The following EXOSC7 variants were observed in gnomAD, a reference collection of about 807,000 sequenced individuals.
The protein encoded by EXOSC7 is exosome complex component RRP42.
Under a neutral mutation model 34.3 loss-of-function variants are expected in EXOSC7, and 25 were observed. The ratio of observed to expected loss-of-function variants is 0.73; its 90% CI spans 0.53 to 1.02. The LOEUF (loss-of-function observed/expected upper bound fraction) is 1.02, where lower values mean the gene tolerates loss of function less well. Among genes scored for constraint, EXOSC7 ranks in the 50% least tolerant of loss-of-function variants. The pLI is 0.00. For missense variants in EXOSC7, 370 were observed against 368.5 expected (o/e 1.00, Z -0.03); for synonymous variants, 130 against 143.0 (o/e 0.91, Z 0.65).
chr3:44,992,482 A>G (rs142971098), intron 3 of EXOSC7, among the ~76,000 whole-genome samples: 2 of 152,298 alleles, frequency 1.3e-5, no homozygotes, highest in Non-Finnish European at 2.9e-5. Flanking sequence ...CGCCACCTCC[A>G]TAATTTACCC....
intron 1 of EXOSC7, among the ~76,000 whole-genome samples, chr3:44,981,449 G>GA (rs1420661955): frequency 4.6e-5 from 7 of 152,130 alleles, no homozygotes; most frequent in Non-Finnish European, 1.0e-4. Context: ...GGTTAACACA[G>GA]AAAAAATGCT....
chr3:45,007,842 A>G (rs561464723), intron 7 of EXOSC7, among the ~76,000 whole-genome samples: 1 of 152,320 alleles, frequency 6.6e-6, no homozygotes, highest in South Asian at 2.1e-4. Context: ...CTATGTGTCT[A>G]AATAAGACTG....
chr3:45,012,023 T>C (rs892280338), downstream of EXOSC7, among the ~76,000 whole-genome samples: 7 of 152,264 alleles, frequency 4.6e-5, no homozygotes, highest in African/African-American at 1.7e-4. Context: ...TTTCAAGATG[T>C]TGTCATTTGA....
intron 7 of EXOSC7, among the ~76,000 whole-genome samples, chr3:45,008,633 G>A (rs1576029937): frequency 6.6e-6 from 1 of 152,320 alleles, no homozygotes; most frequent in Non-Finnish European, 1.5e-5. Context: ...GTGAGGTGTA[G>A]AGGAGAAGCA....
intron 1 of EXOSC7, among the ~76,000 whole-genome samples, chr3:44,986,070 C>T (rs1350133478): frequency 2.0e-5 from 3 of 152,224 alleles, no homozygotes; most frequent in East Asian, 3.9e-4. Flanking sequence ...GGATCCTGCA[C>T]TGGGGCCGCA....
chr3:45,001,543 G>A lies in EXOSC7; in HGVS notation c.426G>A (p.Leu142=). 6.2e-7 allele frequency: 1 copy of A among 1,612,502 alleles called. No individual in the cohort carries two copies. The highest frequency in any genetic ancestry group is 1.1e-5 in the South Asian group (1 of 91,046). ...TCAATTCCTGTCTCCCTTAGCTTCTGGAATGTGGTGGAAATTTGTTTGATG... is the reference window on the plus strand; with the variant it reads ...TCAATTCCTGTCTCCCTTAGCTTCTAGAATGTGGTGGAAATTTGTTTGATG... ...CWVLYVDVLL[L]ECGGNLFDAI... Residue 142 remains leucine (L), a synonymous_variant, in exon 5 of 8, where the codon CTG becomes CTA. Coordinates refer to ENST00000265564, the MANE Select transcript of EXOSC7 (RefSeq NM_015004.4).
intron 1 of EXOSC7, among the ~76,000 whole-genome samples, chr3:44,981,091 T>TA (rs1476636146): frequency 6.6e-6 from 1 of 152,222 alleles, no homozygotes; most frequent in Non-Finnish European, 1.5e-5. Context: ...TCTGAGGCTT[T>TA]ACCCCAACAT....
downstream of EXOSC7, among the ~76,000 whole-genome samples, chr3:45,011,892 G>A (rs1697296445): frequency 6.6e-6 from 1 of 152,178 alleles, no homozygotes; most frequent in Non-Finnish European, 1.5e-5. Context: ...GGGCTTTAGT[G>A]GCAGCCACTT....
intron 5 of EXOSC7, among the ~76,000 whole-genome samples, chr3:45,003,225 A>G (rs1489756235): frequency 6.6e-6 from 1 of 152,300 alleles, no homozygotes; most frequent in African/African-American, 2.4e-5. Context: ...GACTATTGGC[A>G]TATTCAGGGT....
intron 5 of EXOSC7, chr3:45,002,350 C>T (rs1369557177): frequency 6.6e-6 from 1 of 151,940 alleles, no homozygotes; most frequent in African/African-American, 2.4e-5. Flanking sequence ...AGGGATATAA[C>T]CTAAGGACAT....
chr3:45,007,665 C>T (rs1183725992), intron 7 of EXOSC7, 90 bp downstream of exon 7: 19 of 1,354,368 alleles, frequency 1.4e-5, no homozygotes, highest in Non-Finnish European at 1.9e-5. Context: ...GGATTCTCCC[C>T]ATTCACAGCC....
At chr3:44,999,015 G>A (rs4683018) in intron 4 of EXOSC7, among the ~76,000 whole-genome samples, 70,428 of 152,088 alleles carry the variant, frequency 0.46, 16,976 homozygotes, top group East Asian at 0.84. Flanking sequence ...CAAGTGTGTG[G>A]CACACTGCAT....
chr3:44,998,031 G>GTTTTTTTTTTTTTTTT (rs200353427), intron 4 of EXOSC7, among the ~76,000 whole-genome samples: 1 of 142,778 alleles, frequency 7.0e-6, no homozygotes. Flanking sequence ...ATTTTTTTTT[G>GTTTTTTTTTTTTTTTT]TTTTTTTGTT....
In EXOSC7 at chr3:44,976,281, G is replaced by T. The variant is rs537019300; in HGVS notation, c.4G>T (p.Ala2Ser). ...GCTCGTGGGGCAGCTCGGCAGCATG[G>T]CGTCCGTGACGCTGAGCGAGGCGGA... Reference protein sequence around the residue: MASVTLSEAEKV... With the variant: MSSVTLSEAEKV... The change falls in exon 1 of 8, where the codon GCG becomes TCG. Residue 2 changes from alanine (A) to serine (S), a missense_variant. By Grantham distance (99) the Ala-to-Ser change is moderately conservative (BLOSUM62 1). This residue lies in a region of EXOSC7 where 95 missense variants were observed against 79.8 expected (regional missense o/e 1.19). Coordinates refer to ENST00000265564, the MANE Select transcript of EXOSC7 (RefSeq NM_015004.4). 7 of 1,561,660 alleles carry T rather than the reference G, an allele frequency of 4.5e-6. No individual in the cohort carries two copies. In the East Asian group the frequency reaches 1.3e-4, roughly 29 times the overall value.
At chr3:44,981,313 A>G (rs980624779) in intron 1 of EXOSC7, among the ~76,000 whole-genome samples, 1 of 152,114 alleles carries the variant, frequency 6.6e-6, no homozygotes, top group African/African-American at 2.4e-5. Context: ...TTCACCATTT[A>G]CAATAAGTGG....
At chr3:45,007,822 C>G (rs2280384) in intron 7 of EXOSC7, among the ~76,000 whole-genome samples, 70,335 of 151,896 alleles carry the variant, frequency 0.46, 16,965 homozygotes, top group East Asian at 0.84. Flanking sequence ...AAGTACCCCC[C>G]ATCTCATTTC....
At chr3:44,992,847 TAGAG>T (rs201397151) in intron 3 of EXOSC7, among the ~76,000 whole-genome samples, 3,363 of 152,306 alleles carry the variant, frequency 0.022, 77 homozygotes, top group Middle Eastern at 0.075. Flanking sequence ...TTTAACCTCT[TAGAG>T]AGGCTTGGGT....
intron 1 of EXOSC7, among the ~76,000 whole-genome samples, chr3:44,976,709 G>A (rs1260688397): frequency 1.3e-5 from 2 of 152,186 alleles, no homozygotes; most frequent in Non-Finnish European, 2.9e-5. Context: ...TGGGCTTCTG[G>A]CCTGCTTTTC....
intron 6 of EXOSC7, 25 bp from the exon 7 acceptor site, chr3:45,007,395 T>C (rs1263307716): frequency 1.2e-6 from 2 of 1,613,136 alleles, no homozygotes; most frequent in East Asian, 4.5e-5. Context: ...TGACCCACCG[T>C]GTGCCACGCA....
Sources: allele counts gnomAD v4.1 joint callset (sites outside exome capture counted in the v4.1 genomes callset), GRCh38; gene constraint gnomAD v4.1.1; regional missense constraint gnomAD v4.1.1; transcripts MANE v1.5; gene names NCBI Gene and HGNC (gene_info 2026-07-23, HGNC 2026-07-21).